Variants in KCNQ5 observed in about 807,000 individuals in gnomAD.
KCNQ5 encodes potassium voltage-gated channel subfamily Q member 5, also known as potassium voltage-gated channel subfamily KQT member 5.
A neutral mutation model predicts 98.2 loss-of-function variants in KCNQ5; 30 were observed. The observed-to-expected ratio is 0.31, with a 90% CI of 0.23 to 0.41. The LOEUF (loss-of-function observed/expected upper bound fraction) is 0.41, where lower values mean the gene tolerates loss of function less well. Among genes scored for constraint, KCNQ5 ranks in the 10% least tolerant of loss-of-function variants. The pLI, the probability that KCNQ5 is intolerant of heterozygous loss-of-function variation, is 1.00. For missense variants in KCNQ5, 835 were observed against 1,182.5 expected (o/e 0.71, Z 4.31); for synonymous variants, 458 against 449.4 (o/e 1.02, Z -0.24).
chr6:73,104,051 G>A lies in KCNQ5; in HGVS notation c.919-1206G>A, dbSNP rs184169579. Among the ~76,000 whole-genome samples the A allele has an allele frequency of 6.6e-4, 100 of 151,842 alleles. No homozygotes were observed. The East Asian group carries it at 0.014, about 21-fold the overall frequency. ...TATTAGTTTGATTTAAAAAAAACAA[G>A]GATGCTCACTTTTGCCACTTCTATT... On this transcript the variant is annotated intron_variant, in intron 5 of 13. Coordinates refer to ENST00000370398, the MANE Select transcript of KCNQ5 (RefSeq NM_019842.4).
At chr6:72,925,621 C>T (rs761434056) in intron 1 of KCNQ5, among the ~76,000 whole-genome samples, 2 of 152,080 alleles carry the variant, frequency 1.3e-5, no homozygotes, top group Non-Finnish European at 2.9e-5. Context: ...AAATACATAA[C>T]CAGAGCTCAT....
intron 1 of KCNQ5, among the ~76,000 whole-genome samples, chr6:72,878,758 A>C (rs748377555): frequency 1.3e-5 from 2 of 152,216 alleles, no homozygotes; most frequent in Non-Finnish European, 2.9e-5. Context: ...GCTTGTTAAA[A>C]ACTTTTTTGT....
intron 1 of KCNQ5, among the ~76,000 whole-genome samples, chr6:72,883,503 A>T (rs1778727299): frequency 6.6e-6 from 1 of 152,192 alleles, no homozygotes; most frequent in South Asian, 2.1e-4. Flanking sequence ...AACTTTTAAA[A>T]GGTTTAAGAA....
rs1766502201 is a variant in KCNQ5 at position 72,945,524 on chromosome 6, G to GCA, written c.399-58384_399-58383insCA. Among the ~76,000 whole-genome samples the GCA allele has an allele frequency of 6.1e-5, 9 of 148,502 alleles. No homozygotes were observed. The South Asian group carries it at 1.9e-3, about 32-fold the overall frequency. On this transcript the variant is annotated intron_variant, in intron 1 of 13. Transcript: ENST00000370398. The stretch of plus-strand genomic sequence containing the variant: ...TGCTGGAGTGCAGTGGTGCAATCTT[G>GCA]GCTCACTGCAACCTCTGTCTCCTGG...
In KCNQ5 at chr6:72,830,016, C is replaced by G. The variant is rs544070974; in HGVS notation, c.399-173892C>G. On this transcript the variant is annotated intron_variant, in intron 1 of 13. Transcript: ENST00000370398. Reference sequence around the variant, plus strand: ...AAAGAGAATAAAATACCTAGGAATCCAACATACAAGGGATGTGAAGGACCT... The same window carrying G: ...AAAGAGAATAAAATACCTAGGAATCGAACATACAAGGGATGTGAAGGACCT... Among the ~76,000 whole-genome samples the G allele has an allele frequency of 2.0e-5, 3 of 152,182 alleles. No individual in the cohort carries two copies. The East Asian group carries it at 5.8e-4, about 29-fold the overall frequency.
intron 6 of KCNQ5, among the ~76,000 whole-genome samples, chr6:73,110,766 A>T (rs1775211066): frequency 6.6e-6 from 1 of 152,204 alleles, no homozygotes; most frequent in Non-Finnish European, 1.5e-5. Flanking sequence ...GACAGATTTT[A>T]TACAGTCCTC....
intron 1 of KCNQ5, among the ~76,000 whole-genome samples, chr6:72,921,247 T>C (rs1457073739): frequency 4.6e-5 from 7 of 152,084 alleles, no homozygotes; most frequent in Admixed American, 3.9e-4. Flanking sequence ...TAGAAATAAA[T>C]AGGAAATGCT....
intron 1 of KCNQ5, among the ~76,000 whole-genome samples, chr6:72,754,444 C>T (rs889380043): frequency 4.6e-5 from 7 of 152,072 alleles, no homozygotes; most frequent in Admixed American, 1.3e-4. Flanking sequence ...TATATCAGCG[C>T]TTCTCAACTA....
chr6:73,012,053 A>G (rs911947347), intron 2 of KCNQ5, among the ~76,000 whole-genome samples: 1 of 152,102 alleles, frequency 6.6e-6, no homozygotes, highest in Non-Finnish European at 1.5e-5. Flanking sequence ...ATGGAAAACA[A>G]TACAGCTTTT....
intron 11 of KCNQ5, among the ~76,000 whole-genome samples, chr6:73,173,783 C>T (rs565340214): frequency 6.7e-6 from 1 of 148,728 alleles, no homozygotes; most frequent in East Asian, 2.0e-4. Context: ...AACCCTGTCT[C>T]TAAAGGGAAA....
intron 1 of KCNQ5, among the ~76,000 whole-genome samples, chr6:72,720,351 G>T (rs1412168147): frequency 6.6e-6 from 1 of 152,146 alleles, no homozygotes; most frequent in Non-Finnish European, 1.5e-5. Flanking sequence ...ACTTCTCTAT[G>T]AATTAGTGCA....
At chr6:72,728,551 C>T (rs969515261) in intron 1 of KCNQ5, among the ~76,000 whole-genome samples, 19 of 152,138 alleles carry the variant, frequency 1.2e-4, no homozygotes, top group Non-Finnish European at 2.9e-5. Context: ...CAATGAGAGG[C>T]ACACAGCAGT....
At chr6:72,774,984 C>T (rs1489533661) in intron 1 of KCNQ5, among the ~76,000 whole-genome samples, 1 of 152,104 alleles carries the variant, frequency 6.6e-6, no homozygotes, top group Non-Finnish European at 1.5e-5. Context: ...CAAATGTGTC[C>T]ATATGTTCAT....
intron 5 of KCNQ5, among the ~76,000 whole-genome samples, chr6:73,101,712 A>G (rs979471682): frequency 2.6e-5 from 4 of 152,220 alleles, no homozygotes; most frequent in African/African-American, 9.6e-5. Context: ...AGATCTCTAC[A>G]AAGAAAACTA....
intron 2 of KCNQ5, among the ~76,000 whole-genome samples, chr6:73,008,842 G>T (rs73753221): frequency 0.011 from 1,707 of 152,164 alleles, 27 homozygotes; most frequent in African/African-American, 0.039. Context: ...ATGTTAGCCC[G>T]CAAGTTAAGT....
chr6:73,068,794 G>T (rs896397647), intron 3 of KCNQ5, among the ~76,000 whole-genome samples: 9 of 152,012 alleles, frequency 5.9e-5, no homozygotes, highest in African/African-American at 2.2e-4. Flanking sequence ...GGTATGAGCT[G>T]GGAGGAGAAA....
chr6:73,077,932 GT>G lies in KCNQ5; in HGVS notation c.918+54del, dbSNP rs769127983. The G allele has an allele frequency of 5.4e-4, 781 of 1,456,706 alleles. 5 individuals are homozygous for G. In the East Asian group the frequency reaches 0.01, roughly 19 times the overall value. The allele number at this position is 1,456,706 out of a possible 1,614,324, so 90.2% of individuals were successfully genotyped here. A position where few individuals can be genotyped will look rare whatever the true frequency, so the allele number is the denominator to read the frequency against. ...TTTTATTTATTGGATGTTGTGAATTGTTTTTTTTTAATACAACGTAATGGTT... is the reference window on the plus strand; with the variant it reads ...TTTTATTTATTGGATGTTGTGAATTGTTTTTTTTAATACAACGTAATGGTT... On this transcript the variant is annotated intron_variant, in intron 5 of 13. Coordinates refer to ENST00000370398, the MANE Select transcript of KCNQ5 (RefSeq NM_019842.4).
At chr6:73,087,045 C>T (rs1253302350) in intron 5 of KCNQ5, among the ~76,000 whole-genome samples, 1 of 152,146 alleles carries the variant, frequency 6.6e-6, no homozygotes, top group Non-Finnish European at 1.5e-5. Flanking sequence ...GTGGAGATGG[C>T]TTAATTAGTA....
chr6:73,059,149 A>G (rs537498759), intron 3 of KCNQ5, among the ~76,000 whole-genome samples: 1 of 152,358 alleles, frequency 6.6e-6, no homozygotes, highest in African/African-American at 2.4e-5. Context: ...AATAGCAAAG[A>G]CATGAAATCA....
Sources: allele counts gnomAD v4.1 joint callset (sites outside exome capture counted in the v4.1 genomes callset), GRCh38; gene constraint gnomAD v4.1.1; transcripts MANE v1.5; gene names NCBI Gene and HGNC (gene_info 2026-07-23, HGNC 2026-07-21).